Variants in HRH1 observed in about 807,000 individuals in gnomAD.
HRH1 encodes histamine H1 receptor.
Under a neutral mutation model 10.3 loss-of-function variants are expected in HRH1, and 6 were observed. The ratio of observed to expected loss-of-function variants is 0.58; its 90% CI spans 0.32 to 1.15. The LOEUF (loss-of-function observed/expected upper bound fraction) is 1.15. Among genes scored for constraint, HRH1 ranks in the 50% most tolerant of loss-of-function variants. HRH1 has a pLI of 0.05. For synonymous variants in HRH1, 242 were observed against 236.7 expected (o/e 1.02, Z -0.21); for missense variants, 514 against 615.3 (o/e 0.84, Z 1.74).
At chr3:11,249,818 C>T (rs575124713) in intron 1 of HRH1, among the ~76,000 whole-genome samples, 51 of 152,148 alleles carry the variant, frequency 3.4e-4, no homozygotes, top group African/African-American at 1.1e-3. Context: ...CTAATTGATC[C>T]CGGTTAACAG....
chr3:11,220,033 A>G (rs1324910439), intron 1 of HRH1, among the ~76,000 whole-genome samples: 1 of 151,300 alleles, frequency 6.6e-6, no homozygotes, highest in Non-Finnish European at 1.5e-5. Flanking sequence ...CACGCAGACC[A>G]AGGTTAAAAT....
chr3:11,259,397 C>T lies in HRH1; in HGVS notation c.360C>T (p.Ile120=). The T allele has an allele frequency of 5.6e-6, 9 of 1,613,940 alleles. No homozygotes were observed. The highest frequency in any genetic ancestry group is 7.6e-6 in the Non-Finnish European group (9 of 1,179,966). ...CAGCGTCCATTTTCAGTGTCTTCAT[C>T]CTGTGCATTGATCGCTACCGCTCTG... The part of the protein sequence containing the change: ...ASTASIFSVF[I]LCIDRYRSVQ... The change falls in exon 2 of 2, where the codon ATC becomes ATT. Residue 120 remains isoleucine, a synonymous_variant. Coordinates refer to ENST00000431010, the MANE Select transcript of HRH1 (RefSeq NM_001098212.2). This position sits in a 1 kb window ranked among gnomAD's most constrained non-coding sequence, Gnocchi z 4.6.
intron 1 of HRH1, among the ~76,000 whole-genome samples, chr3:11,242,963 G>C (rs1939389552): frequency 6.6e-6 from 1 of 151,884 alleles, no homozygotes; most frequent in African/African-American, 2.4e-5. Context: ...CACCAGGCTG[G>C]AGTGCAGTGG....
chr3:11,159,769 G>T (rs555085834), intron 1 of HRH1, among the ~76,000 whole-genome samples: 2 of 152,366 alleles, frequency 1.3e-5, no homozygotes, highest in South Asian at 4.1e-4. Context: ...CAAGATGGGC[G>T]TTGTTCTTCC....
intron 1 of HRH1, among the ~76,000 whole-genome samples, chr3:11,258,118 A>T (rs1438624217): frequency 1.3e-5 from 2 of 152,182 alleles, no homozygotes; most frequent in African/African-American, 4.8e-5. Flanking sequence ...ATTTTCCTCT[A>T]AAAAGATATG....
intron 1 of HRH1, among the ~76,000 whole-genome samples, chr3:11,244,317 T>C (rs1470696754): frequency 2.0e-5 from 3 of 152,240 alleles, no homozygotes; most frequent in East Asian, 3.8e-4. Context: ...TTTAGTCACA[T>C]GGTCACACCC....
intron 1 of HRH1, among the ~76,000 whole-genome samples, chr3:11,144,864 C>G (rs1294638959): frequency 6.6e-6 from 1 of 151,998 alleles, no homozygotes; most frequent in Non-Finnish European, 1.5e-5. Context: ...GAGTGAGACT[C>G]CATCTCAAAA....
intron 1 of HRH1, chr3:11,226,379 G>A (rs1938881632): frequency 6.6e-6 from 1 of 152,192 alleles, no homozygotes; most frequent in Non-Finnish European, 1.5e-5. Flanking sequence ...AGGGAAAAGG[G>A]AATTAAAGGG....
chr3:11,233,123 T>A (rs1474324591), intron 1 of HRH1, among the ~76,000 whole-genome samples: 1 of 152,198 alleles, frequency 6.6e-6, no homozygotes, highest in Non-Finnish European at 1.5e-5. Context: ...GCTTCTTGAT[T>A]CTATAGATTT....
chr3:11,260,474 C>T lies in HRH1; in HGVS notation c.1437C>T (p.Phe479=), dbSNP rs1313928247. Reference sequence around the variant, plus strand: ...GCAATGAGAACTTCAAGAAGACATTCAAGAGAATTCTGCATATTCGCTCCT... The same window carrying T: ...GCAATGAGAACTTCAAGAAGACATTTAAGAGAATTCTGCATATTCGCTCCT... ...PLCNENFKKT[F]KRILHIRS Residue 479 remains phenylalanine, a synonymous_variant, in exon 2 of 2, where the codon TTC becomes TTT. Transcript: ENST00000431010. The T allele has an allele frequency of 3.7e-6, 6 of 1,606,632 alleles. No individual in the cohort carries two copies. Among genetic ancestry groups the T allele is most frequent in the Admixed American group, 1.7e-5 (1 of 59,380 alleles).
intron 1 of HRH1, among the ~76,000 whole-genome samples, chr3:11,187,920 A>G (rs1444377628): frequency 2.0e-5 from 3 of 152,164 alleles, no homozygotes; most frequent in African/African-American, 7.2e-5. Context: ...AACATTTCCC[A>G]ATTGCTAAAC....
At chr3:11,143,000 C>T (rs113339600) in intron 1 of HRH1, among the ~76,000 whole-genome samples, 7,946 of 152,008 alleles carry the variant, frequency 0.052, 273 homozygotes, top group Non-Finnish European at 0.08. Flanking sequence ...ACAGCGAGTG[C>T]AAAGGCCCCA....
chr3:11,227,236 A>T (rs1180650449), intron 1 of HRH1, among the ~76,000 whole-genome samples: 1 of 151,822 alleles, frequency 6.6e-6, no homozygotes, highest in Admixed American at 6.6e-5. Context: ...TGAGCATGGA[A>T]CCGTAGTGGT....
At position 11,260,143 on chromosome 3, in the gene HRH1, C is replaced by T. The variant is rs1441579851; in HGVS notation, c.1106C>T (p.Thr369Ile). The change falls in exon 2 of 2, where the codon ACA (threonine) becomes ATA (isoleucine). Residue 369 changes from threonine to isoleucine, a missense_variant. Coordinates refer to ENST00000431010, the MANE Select transcript of HRH1 (RefSeq NM_001098212.2). ...SRTDSDTTTETAPGKGKLRSG... is the reference protein window; with the variant it reads ...SRTDSDTTTEIAPGKGKLRSG... Reference sequence around the variant, plus strand: ...ACGGACTCAGATACCACCACAGAGACAGCACCAGGCAAAGGCAAATTGAGG... The same window carrying T: ...ACGGACTCAGATACCACCACAGAGATAGCACCAGGCAAAGGCAAATTGAGG... 2 of 1,613,946 alleles carry T rather than the reference C, an allele frequency of 1.2e-6. No homozygotes were observed. Among genetic ancestry groups the T allele is most frequent in the Admixed American group, 3.3e-5 (2 of 59,992 alleles).
chr3:11,164,015 A>G (rs565227224), intron 1 of HRH1, among the ~76,000 whole-genome samples: 27 of 152,320 alleles, frequency 1.8e-4, no homozygotes, highest in African/African-American at 6.5e-4. Flanking sequence ...CCTGGTACCC[A>G]TCGACGTGCA....
chr3:11,182,146 C>A (rs1281424874), intron 1 of HRH1, among the ~76,000 whole-genome samples: 1 of 151,368 alleles, frequency 6.6e-6, no homozygotes, highest in Non-Finnish European at 1.5e-5. Context: ...CCGCACCTGG[C>A]TAATTTTTGT....
upstream of HRH1, among the ~76,000 whole-genome samples, chr3:11,151,312 A>G (rs1006266305): frequency 6.6e-6 from 1 of 152,252 alleles, no homozygotes; most frequent in African/African-American, 2.4e-5. Context: ...TAAAGCTGAC[A>G]GAAAAGAAAA....
At chr3:11,253,973 G>T (rs910069065) in intron 1 of HRH1, among the ~76,000 whole-genome samples, 2 of 152,098 alleles carry the variant, frequency 1.3e-5, no homozygotes, top group Non-Finnish European at 2.9e-5. Context: ...GGAGAGGAAG[G>T]TTCTTCAGTC....
In HRH1 at chr3:11,237,706, T is replaced by C. The variant is rs1318480946; in HGVS notation, c.-35-21297T>C. On this transcript the variant is annotated intron_variant, in intron 1 of 1. Coordinates refer to ENST00000431010, the MANE Select transcript of HRH1 (RefSeq NM_001098212.2). ...TTTTTTTTTTTTTGAGATGGAGTCT[T>C]GCTCTGTCAACCAGGCTGGAGTGCA... is the stretch of plus-strand genomic sequence containing the variant. Among the ~76,000 whole-genome samples, 7 of 125,006 alleles carry C rather than the reference T, an allele frequency of 5.6e-5. No homozygotes were observed. The Admixed American group carries it at 5.9e-4, about 10-fold the overall frequency. The allele number at this position is 125,006 out of a possible 152,430, so 82.0% of individuals were successfully genotyped here.
Sources: allele counts gnomAD v4.1 joint callset (sites outside exome capture counted in the v4.1 genomes callset), GRCh38; gene constraint gnomAD v4.1.1; non-coding constraint Gnocchi (gnomAD v3.1); transcripts MANE v1.5; gene names NCBI Gene and HGNC (gene_info 2026-07-23, HGNC 2026-07-21).